HTT-AS: variants seen among roughly 807,000 people sequenced by gnomAD.
The protein encoded by HTT-AS is HTT antisense RNA.
exon 3 of HTT-AS, among the ~76,000 whole-genome samples, chr4:3,049,431 G>T (rs888024414): frequency 5.8e-4 from 85 of 146,342 alleles, no homozygotes; most frequent in African/African-American, 2.0e-3. Context: ...CTCCAAAAAA[G>T]AAAAAAAAAA....
chr4:3,058,660 C>A (rs1578466519), intron 2 of HTT-AS, among the ~76,000 whole-genome samples: 1 of 152,076 alleles, frequency 6.6e-6, no homozygotes, highest in East Asian at 1.9e-4. Context: ...CGCCCCTATT[C>A]AAGATGAAGT....
At chr4:3,058,968 C>T (rs1011629628) in intron 2 of HTT-AS, among the ~76,000 whole-genome samples, 5 of 152,152 alleles carry the variant, frequency 3.3e-5, no homozygotes, top group African/African-American at 7.2e-5. Flanking sequence ...AATACAGCCG[C>T]GTTGGCCTCC....
At chr4:3,074,522 G>T (rs895670496) in exon 1 of HTT-AS, 20 of 287,446 alleles carry the variant, frequency 7.0e-5, no homozygotes, top group South Asian at 8.8e-5. Context: ...GCTGTGTGAG[G>T]CAGAACCTGC....
intron 2 of HTT-AS, among the ~76,000 whole-genome samples, chr4:3,053,757 CTTTTT>C (rs1163919785): frequency 2.3e-5 from 3 of 129,092 alleles, no homozygotes; most frequent in Non-Finnish European, 5.0e-5. Flanking sequence ...TTGCTAACTT[CTTTTT>C]TTTTTTTTTT....
chr4:3,056,171 T>G (rs545700879), intron 2 of HTT-AS, among the ~76,000 whole-genome samples: 1 of 152,318 alleles, frequency 6.6e-6, no homozygotes, highest in Admixed American at 6.5e-5. Flanking sequence ...GGATCCCACT[T>G]CTGACACCAT....
At chr4:3,069,150 G>GT (rs35603397) in intron 1 of HTT-AS, among the ~76,000 whole-genome samples, 18,883 of 144,378 alleles carry the variant, frequency 0.13, 1,263 homozygotes, top group Middle Eastern at 0.18. Context: ...AACGGTGTAT[G>GT]TTTTTTTTTT....
chr4:3,063,893 G>A (rs935087168), intron 1 of HTT-AS, among the ~76,000 whole-genome samples: 22 of 152,052 alleles, frequency 1.4e-4, no homozygotes, highest in African/African-American at 5.3e-4. Context: ...GTATGAAATA[G>A]TAAGAAATAT....
exon 3 of HTT-AS, among the ~76,000 whole-genome samples, chr4:3,049,626 C>T (rs1377013617): frequency 6.6e-6 from 1 of 152,058 alleles, no homozygotes; most frequent in Non-Finnish European, 1.5e-5. Flanking sequence ...TTCAAGATCC[C>T]TAAGTTTTGT....
rs573227815 is a variant in HTT-AS at position 3,052,457 on chromosome 4, C to T, written n.1381-2759G>A. Among the ~76,000 whole-genome samples, 6 of 152,288 alleles carry T rather than the reference C, an allele frequency of 3.9e-5. No homozygotes were observed. The South Asian group carries it at 1.0e-3, about 26-fold the overall frequency. Reference sequence around the variant, plus strand: ...CCAGAGACCCCGTTTTGGGAAAAAACTCTGTTTTACTCATGAAACCCCAGA... The same window carrying T: ...CCAGAGACCCCGTTTTGGGAAAAAATTCTGTTTTACTCATGAAACCCCAGA... On this transcript the variant is annotated intron_variant and non_coding_transcript_variant, in intron 2 of 2. Coordinates refer to ENST00000664062, the Ensembl canonical transcript of HTT-AS.
chr4:3,047,092 A>ACC (rs1711604410), downstream of HTT-AS, among the ~76,000 whole-genome samples: 2 of 152,194 alleles, frequency 1.3e-5, no homozygotes, highest in Non-Finnish European at 2.9e-5. Context: ...TGGGCAGATC[A>ACC]TGAGGTCAGG....
At chr4:3,056,590 C>T (rs759251008) in intron 2 of HTT-AS, among the ~76,000 whole-genome samples, 1 of 152,176 alleles carries the variant, frequency 6.6e-6, no homozygotes, top group Non-Finnish European at 1.5e-5. Flanking sequence ...TGCTTTTACA[C>T]CTATATGACC....
chr4:3,071,229 C>T (rs1209096186), intron 1 of HTT-AS, among the ~76,000 whole-genome samples: 1 of 152,174 alleles, frequency 6.6e-6, no homozygotes, highest in Admixed American at 6.5e-5. Flanking sequence ...GTATTTCTCC[C>T]TTACAGATGA....
exon 3 of HTT-AS, among the ~76,000 whole-genome samples, chr4:3,049,173 C>A (rs1711654519): frequency 6.6e-6 from 1 of 152,108 alleles, no homozygotes; most frequent in Non-Finnish European, 1.5e-5. Flanking sequence ...CCTGTAATCC[C>A]AGCACTTTGG....
At chr4:3,063,906 A>G (rs1711991710) in intron 1 of HTT-AS, among the ~76,000 whole-genome samples, 1 of 151,920 alleles carries the variant, frequency 6.6e-6, no homozygotes, top group Admixed American at 6.6e-5. Flanking sequence ...AGAAATATAT[A>G]TTGGTCTGCA....
chr4:3,070,351 C>T (rs1194674736), intron 1 of HTT-AS, among the ~76,000 whole-genome samples: 1 of 150,862 alleles, frequency 6.6e-6, no homozygotes, highest in African/African-American at 2.4e-5. Flanking sequence ...AGTGCAGTGG[C>T]TCGATCTCAG....
intron 2 of HTT-AS, among the ~76,000 whole-genome samples, chr4:3,054,173 C>G (rs943944100): frequency 4.0e-5 from 6 of 151,032 alleles, no homozygotes; most frequent in African/African-American, 1.5e-4. Flanking sequence ...TAGCCATGCC[C>G]CCAGCTAGGC....
intron 1 of HTT-AS, among the ~76,000 whole-genome samples, chr4:3,068,305 CAAAAAAAAA>C (rs759119862): frequency 6.9e-4 from 9 of 13,078 alleles, no homozygotes; most frequent in Middle Eastern, 0.031. Context: ...GACTCTGTCT[CAAAAAAAAA>C]AAAAAAAAAA....
At chr4:3,048,554 GA>G (rs1407005355), downstream of HTT-AS, among the ~76,000 whole-genome samples, 1 of 152,132 alleles carries the variant, frequency 6.6e-6, no homozygotes, top group East Asian at 1.9e-4. Flanking sequence ...CAATGAGCTA[GA>G]TAAGAGGCTA....
chr4:3,053,330 C>T (rs1030198829), intron 2 of HTT-AS, among the ~76,000 whole-genome samples: 34 of 152,246 alleles, frequency 2.2e-4, no homozygotes, highest in African/African-American at 7.9e-4. Context: ...GTCAGGAGTT[C>T]GAGACCAGCC....
Sources: allele counts gnomAD v4.1 joint callset (sites outside exome capture counted in the v4.1 genomes callset), GRCh38; gene constraint gnomAD v4.1.1; transcripts MANE v1.5; gene names NCBI Gene and HGNC (gene_info 2026-07-23, HGNC 2026-07-21).